IQGAP1: variants seen among roughly 807,000 people sequenced by gnomAD.
IQGAP1 encodes IQ motif containing GTPase activating protein 1.
IQGAP1 carries 66 observed loss-of-function variants against 215.6 expected under a neutral mutation model. The observed-to-expected ratio is 0.31, with a 90% CI of 0.25 to 0.38. IQGAP1 has a LOEUF of 0.38. Ranked by LOEUF, IQGAP1 falls within the 10% of genes least tolerant of loss-of-function variation. IQGAP1 has a pLI of 1.00. For synonymous variants in IQGAP1, 772 were observed against 728.7 expected, an observed-to-expected ratio of 1.06 and a Z score of -0.96; for missense variants, 1,712 against 1,997.1, an observed-to-expected ratio of 0.86 and a Z score of 2.72.
intron 2 of IQGAP1, among the ~76,000 whole-genome samples, chr15:90,393,310 A>C (rs1365454587): frequency 6.6e-6 from 1 of 152,184 alleles, no homozygotes; most frequent in Non-Finnish European, 1.5e-5. Context: ...AGCACATTGC[A>C]TAATATATAC....
intron 4 of IQGAP1, among the ~76,000 whole-genome samples, chr15:90,430,653 C>G (rs964502200): frequency 1.3e-5 from 2 of 151,888 alleles, no homozygotes; most frequent in Admixed American, 1.3e-4. Context: ...AGTGAGTGTT[C>G]TTGGGAAAAA....
At chr15:90,491,148 A>G (rs577336066) in intron 33 of IQGAP1, among the ~76,000 whole-genome samples, 185 bp from the exon 34 acceptor site, 1 of 152,202 alleles carries the variant, frequency 6.6e-6, no homozygotes, top group South Asian at 2.1e-4. Context: ...TTCTAGGTGG[A>G]AAGAGATGTG....
rs368652266 is a variant in IQGAP1, at chr15:90,483,599, G to A, written c.3788+6G>A. ...CAGTCCTACCAGAAATTCAGGTAAG[G>A]GGAAAGGCACAAGTGCTTAAGAGAG... On this transcript the variant is annotated splice_donor_region_variant and intron_variant, in intron 29 of 37. Transcript: ENST00000268182. The A allele has an allele frequency of 4.2e-5, 66 of 1,584,942 alleles. No individual in the cohort carries two copies. The Middle Eastern group carries it at 5.0e-4, about 12-fold the overall frequency.
At chr15:90,433,077 CCAAA>C (rs1288695475) in intron 4 of IQGAP1, among the ~76,000 whole-genome samples, 5 of 152,234 alleles carry the variant, frequency 3.3e-5, no homozygotes, top group Admixed American at 2.6e-4. Flanking sequence ...GTTGGAGTAG[CCAAA>C]CAGATAAACA....
At chr15:90,459,149 A>G (rs1008430616) in intron 15 of IQGAP1, among the ~76,000 whole-genome samples, 3 of 152,292 alleles carry the variant, frequency 2.0e-5, no homozygotes, top group Admixed American at 6.5e-5. Flanking sequence ...CTATGGTTCT[A>G]TCCAGTTGTT....
In IQGAP1 at chr15:90,452,839, G is replaced by A; in HGVS notation, c.1227G>A (p.Leu409=). Reference sequence around the variant, plus strand: ...AGGGTGTTGCTGAGAAGACTGTTTTGGAACTGATGAATCCCGAAGCCCAGC... The same window carrying A: ...AGGGTGTTGCTGAGAAGACTGTTTTAGAACTGATGAATCCCGAAGCCCAGC... ...IQKGVAEKTV[L]ELMNPEAQLP... is the part of the protein sequence containing the mutation. The change falls in exon 12 of 38, where the codon TTG becomes TTA. Residue 409 remains leucine (L), a synonymous_variant. Coordinates refer to ENST00000268182, the MANE Select transcript of IQGAP1 (RefSeq NM_003870.4). 6.2e-7 allele frequency: 1 copy of A among 1,614,118 alleles called. No homozygotes were observed. Among genetic ancestry groups the A allele is most frequent in the Non-Finnish European group, 8.5e-7 (1 of 1,180,012 alleles).
chr15:90,417,286 T>C (rs1965067323), intron 2 of IQGAP1, among the ~76,000 whole-genome samples: 1 of 152,292 alleles, frequency 6.6e-6, no homozygotes, highest in East Asian at 1.9e-4. Flanking sequence ...CTTGCCCATG[T>C]CTATGTCCTG....
At chr15:90,389,428 C>A (rs565846270) in intron 1 of IQGAP1, among the ~76,000 whole-genome samples, 3 of 150,428 alleles carry the variant, frequency 2.0e-5, no homozygotes, top group African/African-American at 7.3e-5. Context: ...TCACTGCAAA[C>A]TCCACCTCCC....
At chr15:90,424,051 G>C (rs554657417) in intron 2 of IQGAP1, among the ~76,000 whole-genome samples, 1 of 149,354 alleles carries the variant, frequency 6.7e-6, no homozygotes, top group Non-Finnish European at 1.5e-5. Context: ...GTACTGTTAC[G>C]TGCTTGAGGG....
chr15:90,409,077 A>G (rs1001855215), intron 2 of IQGAP1, among the ~76,000 whole-genome samples: 1 of 151,870 alleles, frequency 6.6e-6, no homozygotes, highest in Non-Finnish European at 1.5e-5. Flanking sequence ...TTCTTATTCC[A>G]ATATTATTTT....
chr15:90,419,420 C>G (rs1484098757), intron 2 of IQGAP1, among the ~76,000 whole-genome samples: 2 of 152,048 alleles, frequency 1.3e-5, no homozygotes. Context: ...CTGTTTAGTA[C>G]TTGTGTTTCA....
intron 15 of IQGAP1, among the ~76,000 whole-genome samples, chr15:90,464,454 G>A (rs1201190300): frequency 6.6e-6 from 1 of 152,192 alleles, no homozygotes; most frequent in Non-Finnish European, 1.5e-5. Flanking sequence ...GTAGGTAGAA[G>A]TAGAATCCTA....
At chr15:90,468,077 T>G (rs926812252) in intron 18 of IQGAP1, among the ~76,000 whole-genome samples, 1 of 151,470 alleles carries the variant, frequency 6.6e-6, no homozygotes, top group Non-Finnish European at 1.5e-5. Flanking sequence ...TGTTTTTTGT[T>G]TTTTTTTTGA....
chr15:90,479,939 C>A (rs1966033720), intron 26 of IQGAP1, among the ~76,000 whole-genome samples: 1 of 152,116 alleles, frequency 6.6e-6, no homozygotes, highest in South Asian at 2.1e-4. Context: ...GCATTCCTTG[C>A]CGATAGCCCC....
intron 33 of IQGAP1, among the ~76,000 whole-genome samples, chr15:90,490,568 C>T (rs1243386361): frequency 1.3e-5 from 2 of 152,172 alleles, no homozygotes; most frequent in African/African-American, 4.8e-5. Flanking sequence ...AGCATGATTC[C>T]ACCTTGTGAC....
At position 90,456,261 on chromosome 15, in the gene IQGAP1, A is replaced by C. The variant is rs745759243; in HGVS notation, c.1722A>C (p.Glu574Asp). The C allele has an allele frequency of 6.2e-7, 1 of 1,614,110 alleles. No individual in the cohort carries two copies. Among genetic ancestry groups the C allele is most frequent in the Non-Finnish European group, 8.5e-7 (1 of 1,179,986 alleles). The part of the protein sequence containing the change: ...PAAKLEGVLA[E>D]VAQHYQDTLI... Reference sequence around the variant, plus strand: ...CTAAACTTGAGGGAGTCCTTGCAGAAGTGGCCCAGCATTACCAAGACACGC... The same window carrying C: ...CTAAACTTGAGGGAGTCCTTGCAGACGTGGCCCAGCATTACCAAGACACGC... The change falls in exon 15 of 38, where the codon GAA (glutamate) becomes GAC (aspartate). Residue 574 changes from glutamate to aspartate, a missense_variant. Coordinates refer to ENST00000268182, the MANE Select transcript of IQGAP1 (RefSeq NM_003870.4).
chr15:90,448,394 T>A lies in IQGAP1; in HGVS notation c.914-179T>A, dbSNP rs181899983. 8.9e-4 allele frequency among the ~76,000 whole-genome samples: 135 copies of A among 152,298 alleles called. 1 individual carries two copies. The highest frequency in any genetic ancestry group is 3.1e-3 in the African/African-American group (128 of 41,564). On this transcript the variant is annotated intron_variant, in intron 9 of 37. Transcript: ENST00000268182. Reference sequence around the variant, plus strand: ...AATAGCTTGTTGGGAACCCCTGGACTTGATGACTCTAAGGTTCTTTTCCAA... The same window carrying A: ...AATAGCTTGTTGGGAACCCCTGGACATGATGACTCTAAGGTTCTTTTCCAA...
chr15:90,474,068 A>G lies in IQGAP1; in HGVS notation c.2510A>G (p.Asn837Ser). ...TTCTTCTTTTTTGTTCCTTAGATAA[A>G]TGACATTATCAAAATCCAGGCTTTT... ...DRLQYFRDHI[N>S]DIIKIQAFIR... Residue 837 changes from asparagine to serine, a missense_variant, in exon 22 of 38, where the codon AAT (asparagine) becomes AGT (serine). This residue lies in a region of IQGAP1 where 1,021 missense variants were observed against 1,074.2 expected (regional missense o/e 0.95). Coordinates refer to ENST00000268182, the MANE Select transcript of IQGAP1 (RefSeq NM_003870.4). 1.2e-6 allele frequency: 2 copies of G among 1,613,324 alleles called. No homozygotes were observed. Among genetic ancestry groups the G allele is most frequent in the Non-Finnish European group, 1.7e-6 (2 of 1,179,636 alleles).
intron 5 of IQGAP1, among the ~76,000 whole-genome samples, chr15:90,435,997 G>A (rs1428843019): frequency 6.6e-6 from 1 of 151,208 alleles, no homozygotes; most frequent in Non-Finnish European, 1.5e-5. Context: ...TATTGGATAA[G>A]GCTCCATCTC....
Sources: allele counts gnomAD v4.1 joint callset (sites outside exome capture counted in the v4.1 genomes callset), GRCh38; gene constraint gnomAD v4.1.1; regional missense constraint gnomAD v4.1.1; transcripts MANE v1.5; gene names NCBI Gene and HGNC (gene_info 2026-07-23, HGNC 2026-07-21).